CNTLN: variants seen among roughly 807,000 people sequenced by gnomAD.
The protein encoded by CNTLN is centlein, also known as centlein, centrosomal protein.
Under a neutral mutation model 180.0 loss-of-function variants are expected in CNTLN, and 212 were observed. That is an observed-to-expected ratio of 1.18 (90% CI 1.05 to 1.32). The LOEUF (loss-of-function observed/expected upper bound fraction) is 1.32, where lower values mean the gene tolerates loss of function less well. CNTLN is among the 40% of genes most tolerant of loss of function. The pLI is 0.00. For synonymous variants in CNTLN, 722 were observed against 563.1 expected, an observed-to-expected ratio of 1.28 and a Z score of -3.99; for missense variants, 2,095 against 1,610.9, an observed-to-expected ratio of 1.30 and a Z score of -5.14.
At chr9:17,268,954 A>C (rs1039266716) in intron 5 of CNTLN, among the ~76,000 whole-genome samples, 2 of 151,976 alleles carry the variant, frequency 1.3e-5, no homozygotes, top group African/African-American at 4.8e-5. Flanking sequence ...TTCTTTGACT[A>C]GGAAAGGGAA....
intron 5 of CNTLN, among the ~76,000 whole-genome samples, chr9:17,255,512 A>G (rs973158705): frequency 6.6e-6 from 1 of 151,674 alleles, no homozygotes; most frequent in Non-Finnish European, 1.5e-5. Context: ...GTATGTTTCA[A>G]TTCCCCTTGC....
At chr9:17,138,067 A>G (rs1817842242) in intron 1 of CNTLN, among the ~76,000 whole-genome samples, 1 of 152,200 alleles carries the variant, frequency 6.6e-6, no homozygotes, top group Admixed American at 6.5e-5. Context: ...GAATTTTTCA[A>G]GGGTGTTCCA....
chr9:17,341,836 A>G (rs556878981), intron 11 of CNTLN, among the ~76,000 whole-genome samples: 54 of 152,300 alleles, frequency 3.5e-4, no homozygotes, highest in Middle Eastern at 3.4e-3. Context: ...GTGATAAAGC[A>G]GTTTGTCCTA....
At chr9:17,516,123 A>G in the CNTLN span, among the ~76,000 whole-genome samples, 2 of 152,084 alleles carry the variant, frequency 1.3e-5, no homozygotes, top group African/African-American at 4.8e-5. Flanking sequence ...CCCTCCTTTC[A>G]TTCAAACCTT....
intron 3 of CNTLN, among the ~76,000 whole-genome samples, chr9:17,230,834 C>T (rs1042678781): frequency 3.3e-5 from 5 of 151,978 alleles, no homozygotes; most frequent in African/African-American, 1.2e-4. Context: ...CTGAGTACTG[C>T]TTGCCCCCTT....
intron 20 of CNTLN, among the ~76,000 whole-genome samples, chr9:17,463,812 T>C (rs1831589618): frequency 6.6e-6 from 1 of 151,606 alleles, no homozygotes; most frequent in South Asian, 2.1e-4. Context: ...TGCCTAAATT[T>C]AATAATATTA....
At chr9:17,282,862 T>C (rs1187537264) in intron 6 of CNTLN, among the ~76,000 whole-genome samples, 1 of 152,192 alleles carries the variant, frequency 6.6e-6, no homozygotes, top group Non-Finnish European at 1.5e-5. Context: ...CCCCATTGCT[T>C]GTTTTTGTCA....
At chr9:17,178,658 C>T (rs923876821) in intron 2 of CNTLN, among the ~76,000 whole-genome samples, 17 of 152,100 alleles carry the variant, frequency 1.1e-4, no homozygotes, top group African/African-American at 3.4e-4. Flanking sequence ...CGGGGCCTGC[C>T]GGCTGGCCGG....
chr9:17,332,286 C>T (rs1820696441), intron 9 of CNTLN, among the ~76,000 whole-genome samples: 1 of 151,962 alleles, frequency 6.6e-6, no homozygotes, highest in African/African-American at 2.4e-5. Flanking sequence ...GCAATTAGAC[C>T]AGCCTCTATC....
intron 6 of CNTLN, among the ~76,000 whole-genome samples, chr9:17,275,967 A>G (rs1828282668): frequency 6.6e-6 from 1 of 152,098 alleles, no homozygotes; most frequent in Admixed American, 6.6e-5. Context: ...AGCAGTAGAC[A>G]CTGTGGACTA....
intron 7 of CNTLN, chr9:17,298,590 T>A (rs1818120747): frequency 9.2e-7 from 1 of 1,090,468 alleles, no homozygotes; most frequent in Non-Finnish European, 1.1e-6. Context: ...CTCTATAGGG[T>A]ATTATTTTTA....
intron 12 of CNTLN, 105 bp downstream of exon 12, chr9:17,342,549 C>A: frequency 9.5e-7 from 1 of 1,048,712 alleles, no homozygotes. Flanking sequence ...TTGAAATAAT[C>A]TGATTTTTGC....
intron 10 of CNTLN, among the ~76,000 whole-genome samples, chr9:17,334,444 C>G (rs1353234499): frequency 7.6e-6 from 1 of 132,090 alleles, no homozygotes; most frequent in Non-Finnish European, 1.7e-5. Flanking sequence ...CACACACACA[C>G]ACAGAACAAT....
intron 13 of CNTLN, among the ~76,000 whole-genome samples, chr9:17,369,943 C>A (rs1020850493): frequency 6.7e-6 from 1 of 150,286 alleles, no homozygotes; most frequent in Non-Finnish European, 1.5e-5. Context: ...ATCGAGATCA[C>A]GCCACTGCAC....
At chr9:17,475,389 A>G (rs963102495) in intron 23 of CNTLN, among the ~76,000 whole-genome samples, 2 of 151,626 alleles carry the variant, frequency 1.3e-5, no homozygotes, top group African/African-American at 2.4e-5. Flanking sequence ...TATTAAATAT[A>G]TATTTGAAAT....
intron 23 of CNTLN, among the ~76,000 whole-genome samples, chr9:17,470,889 T>C (rs1165337458): frequency 6.6e-6 from 1 of 152,092 alleles, no homozygotes; most frequent in South Asian, 2.1e-4. Context: ...GGTATATAAA[T>C]TTCTTGCTTC....
chr9:17,238,769 A>G (rs1261632514), intron 5 of CNTLN, among the ~76,000 whole-genome samples: 1 of 152,190 alleles, frequency 6.6e-6, no homozygotes, highest in African/African-American at 2.4e-5. Flanking sequence ...GCCATGGGTA[A>G]GGAAAAGATA....
chr9:17,505,071 C>G (rs1273477590), downstream of CNTLN, among the ~76,000 whole-genome samples: 1 of 151,798 alleles, frequency 6.6e-6, no homozygotes, highest in African/African-American at 2.4e-5. Flanking sequence ...TATTAAGAGG[C>G]TAAAAATACC....
At chr9:17,142,329 A>T (rs973342035) in intron 1 of CNTLN, among the ~76,000 whole-genome samples, 2 of 152,110 alleles carry the variant, frequency 1.3e-5, no homozygotes, top group Non-Finnish European at 2.9e-5. Flanking sequence ...TTCTTCTTCC[A>T]CTGTGGCCCA....
Sources: allele counts gnomAD v4.1 joint callset (sites outside exome capture counted in the v4.1 genomes callset), GRCh38; gene constraint gnomAD v4.1.1; transcripts MANE v1.5; gene names NCBI Gene and HGNC (gene_info 2026-07-23, HGNC 2026-07-21).